The following ZNF81 variants were observed in gnomAD, a reference collection of about 807,000 sequenced individuals.
ZNF81 encodes zinc finger protein 81 (HFZ20).
A neutral mutation model predicts 32.3 loss-of-function variants in ZNF81; 5 were observed. That is an observed-to-expected ratio of 0.15 (90% CI 0.08 to 0.33). The LOEUF (loss-of-function observed/expected upper bound fraction) is 0.33, where lower values mean the gene tolerates loss of function less well. Ranked by LOEUF, ZNF81 falls within the 10% of genes least tolerant of loss-of-function variation. ZNF81 has a pLI of 1.00. For missense variants in ZNF81, 379 were observed against 479.8 expected (o/e 0.79, Z 1.96); for synonymous variants, 163 against 166.8 (o/e 0.98, Z 0.17).
intron 2 of ZNF81, among the ~76,000 whole-genome samples, chrX:47,881,767 TATTTA>T (rs1464650974): frequency 4.6e-5 from 5 of 109,120 alleles, no homozygotes; most frequent in African/African-American, 1.7e-4. Flanking sequence ...TATTTCAATA[TATTTA>T]TTTTATTTTA....
At position 47,915,193 on chromosome X, in the gene ZNF81, A is replaced by G. The variant is rs2058751893; in HGVS notation, c.547A>G (p.Ile183Val). ...ATTTGTTCATCCAAGCCCAAATCTC[A>G]TTCTTTCACAGAAAAGACCCCATAA... ...GKFVHPSPNLILSQKRPHKRD... is the reference protein window; with the variant it reads ...GKFVHPSPNLVLSQKRPHKRD... Residue 183 changes from isoleucine to valine, a missense_variant, in exon 5 of 5, where the codon ATT becomes GTT. Ile to Val is a conservative substitution (Grantham distance 29). This residue lies in a region of ZNF81 where 277 missense variants were observed against 306.6 expected (regional missense o/e 0.90). Coordinates refer to ENST00000338637, the MANE Select transcript of ZNF81 (RefSeq NM_007137.5). 3 of 1,204,380 alleles carry G rather than the reference A, an allele frequency of 2.5e-6. No individual in the cohort carries two copies. The highest frequency in any genetic ancestry group is 1.8e-5 in the South Asian group (1 of 55,564).
intron 3 of ZNF81, 134 bp downstream of exon 3, chrX:47,888,259 A>C: frequency 2.2e-6 from 2 of 898,962 alleles, no homozygotes; most frequent in Non-Finnish European, 3.1e-6. Flanking sequence ...GTCTTTACAG[A>C]AGTAATCAAG....
intron 2 of ZNF81, among the ~76,000 whole-genome samples, chrX:47,885,852 C>G (rs1363015600): frequency 2.7e-5 from 3 of 111,636 alleles, no homozygotes; most frequent in Non-Finnish European, 3.8e-5. Flanking sequence ...ACATTGAAAC[C>G]ATAGCATCAT....
chrX:47,851,404 G>A (rs2058495197), intron 2 of ZNF81, among the ~76,000 whole-genome samples: 1 of 111,817 alleles, frequency 8.9e-6, no homozygotes, highest in African/African-American at 3.2e-5. Flanking sequence ...GCAACACAGT[G>A]TCTTGTCATA....
chrX:47,902,177 C>T (rs1301993175), intron 4 of ZNF81, among the ~76,000 whole-genome samples: 2 of 111,561 alleles, frequency 1.8e-5, no homozygotes, highest in Non-Finnish European at 3.8e-5. Context: ...TGTATTGTCA[C>T]TTTAATGTCT....
chrX:47,899,967 G>T (rs782569065), intron 4 of ZNF81, among the ~76,000 whole-genome samples: 4 of 111,476 alleles, frequency 3.6e-5, no homozygotes, highest in African/African-American at 1.3e-4. Flanking sequence ...TTCAGTTGTT[G>T]ATGGGTACAG....
In ZNF81 at chrX:47,925,455, T is replaced by C. The variant is rs1556892532; in HGVS notation, c.*8823T>C. On this transcript the variant is annotated 3_prime_UTR_variant, in exon 5 of 5. Transcript: ENST00000338637. ...GCTCCTTCCATCCAGCATAATAAGT[T>C]TGAGATTCATTCATGTTGTTATATG... 8.9e-6 allele frequency among the ~76,000 whole-genome samples: 1 copy of C among 111,953 alleles called. No individual in the cohort carries two copies. Among genetic ancestry groups the C allele is most frequent in the East Asian group, 2.8e-4 (1 of 3,602 alleles).
intron 3 of ZNF81, among the ~76,000 whole-genome samples, chrX:47,890,540 AG>A (rs2148030715): frequency 8.9e-6 from 1 of 112,060 alleles, no homozygotes; most frequent in Admixed American, 9.4e-5. Flanking sequence ...GGATTGCCAA[AG>A]GCTCCAAACA....
chrX:47,867,481 G>A (rs782078663), intron 2 of ZNF81, among the ~76,000 whole-genome samples: 3 of 111,344 alleles, frequency 2.7e-5, no homozygotes, highest in East Asian at 2.8e-4. Flanking sequence ...ATAACACTAC[G>A]GTTTTCTAAT....
At chrX:47,905,235 T>A (rs2058716633) in intron 4 of ZNF81, among the ~76,000 whole-genome samples, 1 of 39,911 alleles carries the variant, frequency 2.5e-5, no homozygotes, top group Non-Finnish European at 4.9e-5. Flanking sequence ...TTTAAAAAAA[T>A]CAACTCCAAA....
intron 2 of ZNF81, among the ~76,000 whole-genome samples, chrX:47,847,525 C>T (rs1349383027): frequency 1.8e-5 from 2 of 112,133 alleles, no homozygotes; most frequent in African/African-American, 6.5e-5. Flanking sequence ...GAAGAAATCT[C>T]TCCTGGAGCT....
Position 47,915,228 on chromosome X carries a change from A to C in ZNF81, c.582A>C (p.Ser194=), listed in dbSNP as rs1569394702. The change falls in exon 5 of 5, where the codon TCA becomes TCC. Residue 194 remains serine (S), a synonymous_variant. Transcript: ENST00000338637. ...AGAAAAGACCCCATAAACGTGATTC[A>C]TTTGGGAAGAGTTTTAAGCATAATT... ...LSQKRPHKRD[S]FGKSFKHNLD... 8.3e-7 allele frequency: 1 copy of C among 1,209,958 alleles called. No homozygotes were observed.
chrX:47,848,796 T>C (rs1556880825), intron 2 of ZNF81, among the ~76,000 whole-genome samples: 1 of 111,275 alleles, frequency 9.0e-6, no homozygotes, highest in East Asian at 2.8e-4. Context: ...TTCTAAAATC[T>C]GAAAAAAAAG....
chrX:47,845,353 C>T (rs2058466192), intron 1 of ZNF81, among the ~76,000 whole-genome samples: 1 of 111,286 alleles, frequency 9.0e-6, no homozygotes, highest in South Asian at 3.8e-4. Context: ...CCCTAGTTCC[C>T]TCAACGAGGA....
intron 1 of ZNF81, among the ~76,000 whole-genome samples, chrX:47,841,855 T>C (rs2058450909): frequency 8.9e-6 from 1 of 112,079 alleles, no homozygotes; most frequent in African/African-American, 3.2e-5. Context: ...TATTTATTAC[T>C]TCCTTCCGCT....
At chrX:47,894,494 G>T (rs1157057111) in intron 3 of ZNF81, among the ~76,000 whole-genome samples, 1 of 111,785 alleles carries the variant, frequency 8.9e-6, no homozygotes, top group Non-Finnish European at 1.9e-5. Context: ...AAGTGGTCGG[G>T]TGGGAGTTTT....
rs1556891154 is a variant in ZNF81 at position 47,917,246 on chromosome X, T to G, written c.*614T>G. On this transcript the variant is annotated 3_prime_UTR_variant, in exon 5 of 5. Coordinates refer to ENST00000338637, the MANE Select transcript of ZNF81 (RefSeq NM_007137.5). ...GTGAATCCACAATTTAAAAGTCACTTTGGTTTTATATATACACACATCTGC... is the reference window on the plus strand; with the variant it reads ...GTGAATCCACAATTTAAAAGTCACTGTGGTTTTATATATACACACATCTGC... 1 of 295,747 alleles carries G rather than the reference T, an allele frequency of 3.4e-6. No homozygotes were observed. Among genetic ancestry groups the G allele is most frequent in the Non-Finnish European group, 5.9e-6 (1 of 169,785 alleles). 24.4% of individuals were successfully genotyped at this position (295,747 alleles called of 1,213,427 possible).
intron 1 of ZNF81, among the ~76,000 whole-genome samples, chrX:47,838,088 G>T (rs1342385799): frequency 8.9e-6 from 1 of 111,798 alleles, no homozygotes; most frequent in Non-Finnish European, 1.9e-5. Context: ...TAATTGTTTT[G>T]GAGTGGTCAT....
chrX:47,891,741 G>A (rs2058663037), intron 3 of ZNF81, among the ~76,000 whole-genome samples: 1 of 112,373 alleles, frequency 8.9e-6, no homozygotes, highest in African/African-American at 3.2e-5. Context: ...GTGGACCATA[G>A]TGGTGTTTGG....
Sources: gnomAD v4.1 joint callset for allele counts (sites outside exome capture counted in the v4.1 genomes callset) on GRCh38, gnomAD v4.1.1 for gene constraint, gnomAD v4.1.1 regional missense constraint, MANE v1.5 for transcripts, NCBI Gene and HGNC (gene_info 2026-07-23, HGNC 2026-07-21) for gene names.